The following KCTD6 variants were observed in gnomAD, a reference collection of about 807,000 sequenced individuals.
KCTD6 encodes the protein potassium channel tetramerization domain containing 6.
KCTD6 carries 6 observed loss-of-function variants against 18.7 expected under a neutral mutation model. That is an observed-to-expected ratio of 0.32 (90% CI 0.18 to 0.63). The LOEUF (loss-of-function observed/expected upper bound fraction) is 0.63. KCTD6 is among the 30% of genes least tolerant of loss of function. The pLI, the probability that KCTD6 is intolerant of heterozygous loss-of-function variation, is 0.79. For missense variants in KCTD6, 165 were observed against 300.2 expected (o/e 0.55, Z 3.33); for synonymous variants, 86 against 108.5 (o/e 0.79, Z 1.29).
rs1257681855 is a variant in KCTD6, at chr3:58,496,744, A to G, written c.-43-1969A>G. ...CCTTCCATTATAGATGGAAAGCTCC[A>G]TGAGGGCAAAGATTGTCTTTTTCCT... On this transcript the variant is annotated intron_variant, in intron 1 of 2. Transcript: ENST00000404589. The surrounding 1 kb of genome is among the most constrained non-coding windows in gnomAD (Gnocchi z 5.1). Among the ~76,000 whole-genome samples the G allele has an allele frequency of 1.3e-5, 2 of 152,212 alleles. No homozygotes were observed. Among genetic ancestry groups the G allele is most frequent in the Non-Finnish European group, 2.9e-5 (2 of 68,038 alleles).
At position 58,493,569 on chromosome 3, in the gene KCTD6, A is replaced by T. The variant is rs1365283685; in HGVS notation, c.-44+1400A>T. ...TCAGGTGTTTGGTGAACTCTGGGAA[A>T]ACTAGACACTCCCCTTTACCTGTAT... On this transcript the variant is annotated intron_variant, in intron 1 of 2. Transcript: ENST00000404589. The surrounding 1 kb of genome is among the most constrained non-coding windows in gnomAD (Gnocchi z 4.5). Among the ~76,000 whole-genome samples the T allele has an allele frequency of 6.6e-6, 1 of 152,202 alleles. No individual in the cohort carries two copies. The highest frequency in any genetic ancestry group is 1.5e-5 in the Non-Finnish European group (1 of 68,034).
chr3:58,501,036 G>A lies in KCTD6; in HGVS notation c.118G>A (p.Ala40Thr). The A allele has an allele frequency of 6.2e-7, 1 of 1,614,110 alleles. No homozygotes were observed. Among genetic ancestry groups the A allele is most frequent in the South Asian group, 1.1e-5 (1 of 91,068 alleles). ...LTRYPDSMLG[A>T]MFGGDFPTAR... ...GCGTTACCCGGATTCCATGCTTGGA[G>A]CTATGTTTGGGGGGGACTTCCCCAC... The change falls in exon 3 of 3, where the codon GCT becomes ACT. Residue 40 changes from alanine (A) to threonine (T), a missense_variant. By Grantham distance (58) the Ala-to-Thr change is moderately conservative (BLOSUM62 0). Transcript: ENST00000404589. This position sits in a 1 kb window ranked among gnomAD's most constrained non-coding sequence, Gnocchi z 9.7.
At chr3:58,500,869 T>C (rs2063201819) in intron 2 of KCTD6, 77 bp from the exon 3 acceptor site, 1 of 909,158 alleles carries the variant, frequency 1.1e-6, no homozygotes. Flanking sequence ...CTTTGCTCAG[T>C]ATCACTTACT....
At position 58,501,676 on chromosome 3, in the gene KCTD6, T is replaced by A; in HGVS notation, c.*44T>A. ...GTTCCTGGAAAGACTCTCCAGGAAA[T>A]GGAAGATACTGATTTTTTTTTTTAA... On this transcript the variant is annotated 3_prime_UTR_variant, in exon 3 of 3. Transcript: ENST00000404589. This position sits in a 1 kb window ranked among gnomAD's most constrained non-coding sequence, Gnocchi z 9.7. The A allele has an allele frequency of 8.2e-7, 1 of 1,217,206 alleles. No homozygotes were observed. Among genetic ancestry groups the A allele is most frequent in the Non-Finnish European group, 1.1e-6 (1 of 944,038 alleles). 75.4% of individuals were successfully genotyped at this position (1,217,206 alleles called of 1,614,324 possible).
At chr3:58,494,633 A>G (rs2063168220) in intron 1 of KCTD6, among the ~76,000 whole-genome samples, 1 of 152,184 alleles carries the variant, frequency 6.6e-6, no homozygotes, top group Non-Finnish European at 1.5e-5. Flanking sequence ...ATAAACCCAG[A>G]ATATTTTTGT....
At position 58,498,189 on chromosome 3, in the gene KCTD6, G is replaced by A. The variant is rs2063188478; in HGVS notation, c.-43-524G>A. 1 of 152,228 alleles carries A rather than the reference G, an allele frequency of 6.6e-6. No homozygotes were observed. The highest frequency in any genetic ancestry group is 2.4e-5 in the African/African-American group (1 of 41,362). The allele number at this position is 152,228 out of a possible 1,614,324, so 9.4% of individuals were successfully genotyped here. On this transcript the variant is annotated intron_variant, in intron 1 of 2. Transcript: ENST00000404589. This position sits in a 1 kb window ranked among gnomAD's most constrained non-coding sequence, Gnocchi z 4.6. ...GTAGAGATGGGGTTTCACTATGTTG[G>A]GCAGTCTGGTCTTGAACTCCTGACC...
rs2063160196 is a variant in KCTD6, at chr3:58,492,683, G to A, written c.-44+514G>A. ...ATTTTCTGCCCTGAAGAGACTCTCAGATCGCAGCTGAGTTCTTTATGCCTA... is the reference window on the plus strand; with the variant it reads ...ATTTTCTGCCCTGAAGAGACTCTCAAATCGCAGCTGAGTTCTTTATGCCTA... On this transcript the variant is annotated intron_variant, in intron 1 of 2. Coordinates refer to ENST00000404589, the MANE Select transcript of KCTD6 (RefSeq NM_001128214.2). The surrounding 1 kb of genome is among the most constrained non-coding windows in gnomAD (Gnocchi z 6.1). 1.3e-5 allele frequency among the ~76,000 whole-genome samples: 2 copies of A among 152,350 alleles called. No individual in the cohort carries two copies. Among genetic ancestry groups the A allele is most frequent in the African/African-American group, 4.8e-5 (2 of 41,582 alleles).
chr3:58,499,564 T>TC (rs1560204785), intron 2 of KCTD6, among the ~76,000 whole-genome samples: 3 of 144,746 alleles, frequency 2.1e-5, no homozygotes, highest in Non-Finnish European at 3.0e-5. Context: ...TTTTTTTTTT[T>TC]CGAGACAGGG....
rs1474716050 is a variant in KCTD6 at position 58,493,276 on chromosome 3, A to G, written c.-44+1107A>G. Among the ~76,000 whole-genome samples, 4 of 152,350 alleles carry G rather than the reference A, an allele frequency of 2.6e-5. No homozygotes were observed. In the South Asian group the frequency reaches 6.2e-4, roughly 24 times the overall value. On this transcript the variant is annotated intron_variant, in intron 1 of 2. Transcript: ENST00000404589. The surrounding 1 kb of genome is among the most constrained non-coding windows in gnomAD (Gnocchi z 4.5). The stretch of plus-strand genomic sequence containing the variant: ...CCATACTGATACTTGATTTTGTGCT[A>G]TGCCTTAGATATGAACGATGGAGTG...
At chr3:58,494,463 G>T (rs891334430) in intron 1 of KCTD6, 1 of 152,322 alleles carries the variant, frequency 6.6e-6, no homozygotes, top group East Asian at 1.9e-4. Context: ...AGACACGAAG[G>T]TTTCAGTAAA....
In KCTD6 at chr3:58,496,780, G is replaced by T. The variant is rs78881941; in HGVS notation, c.-43-1933G>T. Among the ~76,000 whole-genome samples the T allele has an allele frequency of 1.3e-5, 2 of 152,284 alleles. No individual in the cohort carries two copies. The highest frequency in any genetic ancestry group is 3.9e-4 in the East Asian group (2 of 5,188). On this transcript the variant is annotated intron_variant, in intron 1 of 2. Coordinates refer to ENST00000404589, the MANE Select transcript of KCTD6 (RefSeq NM_001128214.2). This position sits in a 1 kb window ranked among gnomAD's most constrained non-coding sequence, Gnocchi z 5.1. ...GATTGTCTTTTTCCTCTTTCTGTGT[G>T]TCCGCATTGCACATAGGCACCCCCT...
At chr3:58,494,480 T>C (rs562482439) in intron 1 of KCTD6, 2 of 152,356 alleles carry the variant, frequency 1.3e-5, no homozygotes, top group East Asian at 3.9e-4. Context: ...TAAAAAAGCA[T>C]TTTTAAAGGG....
intron 2 of KCTD6, 53 bp from the exon 3 acceptor site, chr3:58,500,892 CA>C (rs1332740260): frequency 8.6e-7 from 1 of 1,157,010 alleles, no homozygotes; most frequent in Non-Finnish European, 1.2e-6. Context: ...CTTAATTTGT[CA>C]AAGTTAGTAT....
At position 58,501,468 on chromosome 3, in the gene KCTD6, T is replaced by C; in HGVS notation, c.550T>C (p.Tyr184His). ...TTCCTTTACTTTTGGACCCTGTGATTATCACCAGGAAGTTTCTCTTAGGGT... is the reference window on the plus strand; with the variant it reads ...TTCCTTTACTTTTGGACCCTGTGATCATCACCAGGAAGTTTCTCTTAGGGT... The part of the protein sequence containing the change: ...QVSFTFGPCD[Y>H]HQEVSLRVHL... Residue 184 changes from tyrosine to histidine, a missense_variant, in exon 3 of 3, where the codon TAT (tyrosine) becomes CAT (histidine). This residue lies in a region of KCTD6 where 106 missense variants were observed against 230.4 expected (regional missense o/e 0.46). Coordinates refer to ENST00000404589, the MANE Select transcript of KCTD6 (RefSeq NM_001128214.2). The surrounding 1 kb of genome is among the most constrained non-coding windows in gnomAD (Gnocchi z 9.7). The C allele has an allele frequency of 6.6e-7, 1 of 1,519,680 alleles. No individual in the cohort carries two copies. The highest frequency in any genetic ancestry group is 8.8e-7 in the Non-Finnish European group (1 of 1,137,158). The allele number at this position is 1,519,680 out of a possible 1,614,324, so 94.1% of individuals were successfully genotyped here.
In KCTD6 at chr3:58,497,452, G is replaced by A. The variant is rs1230672069; in HGVS notation, c.-43-1261G>A. 6.6e-6 allele frequency among the ~76,000 whole-genome samples: 1 copy of A among 152,232 alleles called. No homozygotes were observed. The highest frequency in any genetic ancestry group is 2.4e-5 in the African/African-American group (1 of 41,466). On this transcript the variant is annotated intron_variant, in intron 1 of 2. Coordinates refer to ENST00000404589, the MANE Select transcript of KCTD6 (RefSeq NM_001128214.2). The surrounding 1 kb of genome is among the most constrained non-coding windows in gnomAD (Gnocchi z 4.2). ...CCTGGATGAATACCAATAAGTCCAT[G>A]TTTCTTACCATGTCTTGCCAGAGCT...
intron 2 of KCTD6, among the ~76,000 whole-genome samples, chr3:58,500,032 G>A (rs548555909): frequency 2.0e-5 from 3 of 152,172 alleles, no homozygotes; most frequent in African/African-American, 7.2e-5. Context: ...TGACTAAACT[G>A]TATATTTTAA....
In KCTD6 at chr3:58,498,652, C is replaced by G. The variant is rs1023014042; in HGVS notation, c.-43-61C>G. ...GCCTCCTCTGTTGGGTGGAAAAAGA[C>G]TTTCTTCTCTATTTTCCTAGTTATA... On this transcript the variant is annotated intron_variant, in intron 1 of 2. Coordinates refer to ENST00000404589, the MANE Select transcript of KCTD6 (RefSeq NM_001128214.2). This position sits in a 1 kb window ranked among gnomAD's most constrained non-coding sequence, Gnocchi z 4.6. The G allele has an allele frequency of 7.7e-4, 657 of 851,350 alleles. No homozygotes were observed. Among genetic ancestry groups the G allele is most frequent in the Non-Finnish European group, 1.2e-3 (587 of 508,014 alleles). The allele number at this position is 851,350 out of a possible 1,614,324, so 52.7% of individuals were successfully genotyped here.
chr3:58,499,971 A>C (rs960203067), intron 2 of KCTD6, among the ~76,000 whole-genome samples: 43 of 152,302 alleles, frequency 2.8e-4, no homozygotes, highest in African/African-American at 1.0e-3. Context: ...ATGAAATTTT[A>C]TGGCTGCTGT....
chr3:58,500,751 T>C (rs1048849184), intron 2 of KCTD6, among the ~76,000 whole-genome samples, 195 bp from the exon 3 acceptor site: 5 of 152,210 alleles, frequency 3.3e-5, no homozygotes, highest in Non-Finnish European at 7.3e-5. Flanking sequence ...TTTTTTTCTA[T>C]TGAAAGCAAA....
Sources: gnomAD v4.1 joint callset for allele counts (sites outside exome capture counted in the v4.1 genomes callset) on GRCh38, gnomAD v4.1.1 for gene constraint, gnomAD v4.1.1 regional missense constraint, Gnocchi (gnomAD v3.1) non-coding constraint, MANE v1.5 for transcripts, NCBI Gene and HGNC (gene_info 2026-07-23, HGNC 2026-07-21) for gene names.